The following KASH5 variants were observed in gnomAD, a reference collection of about 807,000 sequenced individuals.
KASH5 encodes KASH domain containing 5, also known as protein KASH5.
KASH5 carries 72 observed loss-of-function variants against 84.2 expected under a neutral mutation model. That is an observed-to-expected ratio of 0.85 (90% CI 0.71 to 1.04). The LOEUF (loss-of-function observed/expected upper bound fraction) is 1.04, where lower values mean the gene tolerates loss of function less well. Ranked by LOEUF, KASH5 falls within the 50% of genes least tolerant of loss-of-function variation. The pLI, the probability that KASH5 is intolerant of heterozygous loss-of-function variation, is 0.00. For missense variants in KASH5, 650 were observed against 701.0 expected, an observed-to-expected ratio of 0.93 and a Z score of 0.82; for synonymous variants, 260 against 279.1, an observed-to-expected ratio of 0.93 and a Z score of 0.68.
chr19:49,414,970 G>A lies in KASH5; in HGVS notation c.1348G>A (p.Glu450Lys). ...CCTCAGGTTGACCAGAAGAGAGGAA[G>A]AGGAGGATGCAGAGAGCCAGGTCAC... ...PSMWLTRREE[E>K]EDAESQVTAD... Residue 450 changes from glutamate to lysine, a missense_variant, in exon 17 of 20, where the codon GAG becomes AAG. Glu to Lys is a moderately conservative substitution (Grantham distance 56). Transcript: ENST00000447857. The surrounding 1 kb of genome is among the most constrained non-coding windows in gnomAD (Gnocchi z 4.5). 2 of 1,613,104 alleles carry A rather than the reference G, an allele frequency of 1.2e-6. No homozygotes were observed. The highest frequency in any genetic ancestry group is 2.2e-5 in the East Asian group (1 of 44,852).
intron 2 of KASH5, among the ~76,000 whole-genome samples, chr19:49,392,431 T>C (rs1434417738): frequency 1.3e-5 from 2 of 152,132 alleles, no homozygotes; most frequent in African/African-American, 4.8e-5. Context: ...GAGATCTTCC[T>C]GAGGAACAGA....
chr19:49,402,221 G>T (rs1376339852), intron 9 of KASH5, among the ~76,000 whole-genome samples: 1 of 149,244 alleles, frequency 6.7e-6, no homozygotes, highest in Non-Finnish European at 1.5e-5. Flanking sequence ...CAGTCTGGGC[G>T]ACAGAGCAAG....
chr19:49,407,366 A>G, intron 11 of KASH5, 70 bp downstream of exon 11: 1 of 1,530,896 alleles, frequency 6.5e-7, no homozygotes, highest in Non-Finnish European at 9.0e-7. Context: ...CCTGGTCTAG[A>G]AAGGGAAGTC....
At chr19:49,394,055 T>TG (rs1181820825) in intron 2 of KASH5, among the ~76,000 whole-genome samples, 20 of 152,270 alleles carry the variant, frequency 1.3e-4, no homozygotes, top group Non-Finnish European at 2.1e-4. Flanking sequence ...CGATCTGGGC[T>TG]GCCCATGCAT....
intron 17 of KASH5, chr19:49,415,201 G>A: frequency 1.6e-6 from 1 of 618,628 alleles, no homozygotes; most frequent in African/African-American, 1.8e-5. Flanking sequence ...AGGCTAGTGG[G>A]CGGCCAGGCT....
intron 2 of KASH5, among the ~76,000 whole-genome samples, chr19:49,393,018 C>T (rs1435636872): frequency 6.6e-6 from 1 of 151,952 alleles, no homozygotes; most frequent in Non-Finnish European, 1.5e-5. Flanking sequence ...AACCTAGGAG[C>T]ATAGGTTCAA....
intron 9 of KASH5, among the ~76,000 whole-genome samples, chr19:49,403,129 G>T (rs7255503): frequency 6.6e-6 from 1 of 152,130 alleles, no homozygotes; most frequent in East Asian, 1.9e-4. Flanking sequence ...AGGCCGAGGC[G>T]GGCAGATCAC....
At chr19:49,393,204 G>C (rs11083971) in intron 2 of KASH5, 79,750 of 152,018 alleles carry the variant, frequency 0.52, 21,162 homozygotes, top group South Asian at 0.63. Context: ...TATTATGCTA[G>C]TAGACAGTTC....
In KASH5 at chr19:49,395,293, G is replaced by A; in HGVS notation, c.335+1G>A. The A allele has an allele frequency of 6.2e-7, 1 of 1,612,046 alleles. No homozygotes were observed. The highest frequency in any genetic ancestry group is 8.5e-7 in the Non-Finnish European group (1 of 1,179,254). On this transcript the variant is annotated splice_donor_variant, in intron 4 of 19. Coordinates refer to ENST00000447857, the MANE Select transcript of KASH5 (RefSeq NM_144688.5). LOFTEE classifies it high-confidence loss of function. The surrounding 1 kb of genome is among the most constrained non-coding windows in gnomAD (Gnocchi z 4.4). ...GGATTGCTGCCTGTCAACTACATGGGTGAGTCCCCACATCTTCATCCTCCT... is the reference window on the plus strand; with the variant it reads ...GGATTGCTGCCTGTCAACTACATGGATGAGTCCCCACATCTTCATCCTCCT...
chr19:49,407,112 T>G lies in KASH5; in HGVS notation c.877-128T>G, dbSNP rs547981952. 398 of 1,321,462 alleles carry G rather than the reference T, an allele frequency of 3.0e-4. 8 individuals carry two copies. In the South Asian group the frequency reaches 5.0e-3, roughly 17 times the overall value. 81.9% of individuals were successfully genotyped at this position (1,321,462 alleles called of 1,614,324 possible). ...ACCACCCAGGCATCCCTAAAATCCC[T>G]GAAGTCCTGGAACATCTCAGGAGGC... On this transcript the variant is annotated intron_variant, in intron 10 of 19. Transcript: ENST00000447857.
In KASH5 at chr19:49,405,389, G is replaced by A. The variant is rs149630795; in HGVS notation, c.799-1497G>A. Among the ~76,000 whole-genome samples the A allele has an allele frequency of 2.0e-3, 304 of 151,248 alleles. 1 individual carries two copies. Among genetic ancestry groups the A allele is most frequent in the African/African-American group, 6.1e-3 (253 of 41,160 alleles). On this transcript the variant is annotated intron_variant, in intron 9 of 19. Coordinates refer to ENST00000447857, the MANE Select transcript of KASH5 (RefSeq NM_144688.5). The stretch of plus-strand genomic sequence containing the variant: ...GGAGAATCGCTTGAACCTGGAAGGC[G>A]GAGGTTGCAGTGAGCCGAGATCACG...
chr19:49,390,205 G>T (rs1187723916), intron 1 of KASH5: 4 of 152,330 alleles, frequency 2.6e-5, no homozygotes, highest in African/African-American at 4.8e-5. Flanking sequence ...GCCAGACACG[G>T]CCCCTCGCTT....
chr19:49,389,180 AC>A (rs1973916386), intron 1 of KASH5, among the ~76,000 whole-genome samples: 1 of 101,204 alleles, frequency 9.9e-6, no homozygotes, highest in Admixed American at 1.2e-4. Flanking sequence ...ATAAATCAAG[AC>A]CCCCAAAATC....
intron 9 of KASH5, among the ~76,000 whole-genome samples, chr19:49,402,535 C>T (rs1012578825): frequency 6.6e-6 from 1 of 151,914 alleles, no homozygotes; most frequent in Non-Finnish European, 1.5e-5. Context: ...GGTGAAACCC[C>T]ACCTCTACTA....
chr19:49,399,412 G>T lies in KASH5; in HGVS notation c.748-45G>T. 6.4e-7 allele frequency: 1 copy of T among 1,572,276 alleles called. No individual in the cohort carries two copies. Among genetic ancestry groups the T allele is most frequent in the Admixed American group, 1.8e-5 (1 of 56,516 alleles). ...TGGGAGAAGGGCAACATGGGGGCAA[G>T]GAGGCTAGAAATGAAACCTTTGTCC... On this transcript the variant is annotated intron_variant, in intron 8 of 19. Coordinates refer to ENST00000447857, the MANE Select transcript of KASH5 (RefSeq NM_144688.5). This position sits in a 1 kb window ranked among gnomAD's most constrained non-coding sequence, Gnocchi z 4.4.
At chr19:49,415,073 C>A in intron 17 of KASH5, 77 bp downstream of exon 17, 2 of 1,382,728 alleles carry the variant, frequency 1.4e-6, no homozygotes, top group Non-Finnish European at 2.0e-6. Context: ...CAACTCTTCC[C>A]AAGCCCCAGC....
chr19:49,392,091 G>A (rs994811103), intron 2 of KASH5, among the ~76,000 whole-genome samples: 1 of 152,104 alleles, frequency 6.6e-6, no homozygotes, highest in African/African-American at 2.4e-5. Context: ...ACCAGGATCC[G>A]GGTGGCAAGG....
intron 15 of KASH5, among the ~76,000 whole-genome samples, chr19:49,411,918 GGGAAGGAAGGAAGGAA>G (rs56314106): frequency 0.048 from 6,192 of 128,204 alleles, 165 homozygotes; most frequent in African/African-American, 0.078. Flanking sequence ...GAGGGAAGGA[GGGAAGGAAGGAAGGAA>G]GGAAGGAAGG....
chr19:49,408,946 TC>T lies in KASH5; in HGVS notation c.994-17del. ...GGGAAAAATGCAGAGCCAAATGTGC[TC>T]CCCACTTCCTCCTTTGCAGGAACTG... On this transcript the variant is annotated intron_variant, in intron 12 of 19. Transcript: ENST00000447857. The T allele has an allele frequency of 1.9e-6, 3 of 1,565,668 alleles. No individual in the cohort carries two copies. The highest frequency in any genetic ancestry group is 2.6e-6 in the Non-Finnish European group (3 of 1,155,084).
Sources: gnomAD v4.1 joint callset for allele counts (sites outside exome capture counted in the v4.1 genomes callset) on GRCh38, gnomAD v4.1.1 for gene constraint, Gnocchi (gnomAD v3.1) non-coding constraint, MANE v1.5 for transcripts, NCBI Gene and HGNC (gene_info 2026-07-23, HGNC 2026-07-21) for gene names.